Variants in CNBD1 observed in about 807,000 individuals in gnomAD.
The protein encoded by CNBD1 is cyclic nucleotide binding domain containing 1.
Under a neutral mutation model 54.4 loss-of-function variants are expected in CNBD1, and 71 were observed. That is an observed-to-expected ratio of 1.30 (90% CI 1.08 to 1.59). The LOEUF (loss-of-function observed/expected upper bound fraction) is 1.59. Ranked by LOEUF, CNBD1 falls within the 40% of genes most tolerant of loss-of-function variation. CNBD1 has a pLI of 0.00. For synonymous variants in CNBD1, 182 were observed against 170.7 expected (o/e 1.07, Z -0.51); for missense variants, 659 against 518.0 (o/e 1.27, Z -2.64).
intron 4 of CNBD1, among the ~76,000 whole-genome samples, chr8:87,023,799 G>A (rs1301441707): frequency 6.6e-6 from 1 of 152,126 alleles, no homozygotes; most frequent in African/African-American, 2.4e-5. Context: ...CATTTTAAAA[G>A]TTTGTTCTGA....
intron 4 of CNBD1, among the ~76,000 whole-genome samples, chr8:87,050,967 G>T (rs572092547): frequency 6.6e-6 from 1 of 152,236 alleles, no homozygotes; most frequent in Non-Finnish European, 1.5e-5. Context: ...TATAGCGATT[G>T]TTCAGCCAAT....
chr8:87,210,157 C>T (rs1289999805), intron 5 of CNBD1, among the ~76,000 whole-genome samples: 1 of 152,154 alleles, frequency 6.6e-6, no homozygotes, highest in African/African-American at 2.4e-5. Context: ...GAAGAAATTT[C>T]TAAGCAACAA....
intron 4 of CNBD1, among the ~76,000 whole-genome samples, chr8:87,030,633 T>C (rs915459323): frequency 2.0e-5 from 3 of 152,164 alleles, no homozygotes; most frequent in Non-Finnish European, 4.4e-5. Context: ...TTTAATGATC[T>C]TCAGGATTTA....
intron 8 of CNBD1, among the ~76,000 whole-genome samples, chr8:87,301,968 A>C (rs766110882): frequency 5.9e-5 from 9 of 152,152 alleles, no homozygotes; most frequent in Admixed American, 1.3e-4. Context: ...TAGACCAATA[A>C]CAGGCTCTGA....
At chr8:87,388,216 A>G (rs1038626592) in intron 2 of CNBD1, among the ~76,000 whole-genome samples, 1 of 152,170 alleles carries the variant, frequency 6.6e-6, no homozygotes, top group African/African-American at 2.4e-5. Context: ...GAGAAAACAC[A>G]TTCAAAAGGT....
chr8:87,043,943 A>G (rs1810127679), intron 4 of CNBD1, among the ~76,000 whole-genome samples: 1 of 152,092 alleles, frequency 6.6e-6, no homozygotes, highest in Non-Finnish European at 1.5e-5. Flanking sequence ...CCTCTCTGTG[A>G]TATTTTACTT....
chr8:87,377,637 G>A (rs2130955670), intron 10 of CNBD1, among the ~76,000 whole-genome samples: 1 of 150,388 alleles, frequency 6.6e-6, no homozygotes, highest in South Asian at 2.1e-4. Context: ...CTTTATAGCA[G>A]CATGATTTAT....
chr8:87,051,417 C>T (rs1810309678), intron 4 of CNBD1, among the ~76,000 whole-genome samples: 1 of 152,070 alleles, frequency 6.6e-6, no homozygotes, highest in African/African-American at 2.4e-5. Flanking sequence ...AACCCAGCAG[C>T]ACTAGAGGAA....
At chr8:87,099,393 T>C (rs1357621163) in intron 4 of CNBD1, among the ~76,000 whole-genome samples, 1 of 152,098 alleles carries the variant, frequency 6.6e-6, no homozygotes, top group Non-Finnish European at 1.5e-5. Context: ...TAAATAATAT[T>C]ATCTGATTTA....
At chr8:87,092,175 C>T in intron 4 of CNBD1, among the ~76,000 whole-genome samples, 1 of 152,080 alleles carries the variant, frequency 6.6e-6, no homozygotes, top group East Asian at 1.9e-4. Flanking sequence ...AGTCTGCCTT[C>T]TATCTGGGAA....
chr8:87,427,244 G>A (rs1442444732), intron 2 of CNBD1, among the ~76,000 whole-genome samples: 1 of 152,056 alleles, frequency 6.6e-6, no homozygotes, highest in Non-Finnish European at 1.5e-5. Context: ...TTGTATGTTA[G>A]TTGGCTTGAA....
chr8:86,925,723 A>C (rs1203453030), intron 3 of CNBD1, among the ~76,000 whole-genome samples: 4 of 72,542 alleles, frequency 5.5e-5, no homozygotes, highest in Non-Finnish European at 1.1e-4. Context: ...TCTACTGAAA[A>C]AAATACCAAA....
chr8:87,117,136 C>T (rs545854329), intron 4 of CNBD1, among the ~76,000 whole-genome samples: 2 of 151,996 alleles, frequency 1.3e-5, no homozygotes, highest in Non-Finnish European at 2.9e-5. Context: ...TGGTGGCTCA[C>T]GCCTGTAATC....
Position 86,939,774 on chromosome 8 carries a change from T to C in CNBD1, c.431+20T>C. Reference sequence around the variant, plus strand: ...GAAATTGTAAGTATTTAAAATATATTCCTTCTTCTAATTGAGTAATTCTTT... The same window carrying C: ...GAAATTGTAAGTATTTAAAATATATCCCTTCTTCTAATTGAGTAATTCTTT... On this transcript the variant is annotated intron_variant, in intron 4 of 10. Coordinates refer to ENST00000518476, the MANE Select transcript of CNBD1 (RefSeq NM_173538.3). The C allele has an allele frequency of 7.2e-7, 1 of 1,391,898 alleles. No homozygotes were observed. The highest frequency in any genetic ancestry group is 9.8e-7 in the Non-Finnish European group (1 of 1,019,042). 86.2% of individuals were successfully genotyped at this position (1,391,898 alleles called of 1,614,324 possible).
At chr8:87,317,353 T>C (rs1809411078) in intron 8 of CNBD1, among the ~76,000 whole-genome samples, 1 of 151,774 alleles carries the variant, frequency 6.6e-6, no homozygotes, top group Non-Finnish European at 1.5e-5. Context: ...TTTTGATGTA[T>C]ACACACATTT....
intron 5 of CNBD1, among the ~76,000 whole-genome samples, chr8:87,221,754 C>T (rs10955224): frequency 0.4 from 60,148 of 151,938 alleles, 13,374 homozygotes; most frequent in Non-Finnish European, 0.5. Flanking sequence ...TTTCAATAGA[C>T]GCTCTGAGCT....
chr8:87,261,529 CAAAAAAAA>C lies in CNBD1; in HGVS notation c.772-23138_772-23131del, dbSNP rs34576530. On this transcript the variant is annotated intron_variant, in intron 6 of 10. Transcript: ENST00000518476. ...TGGTGGAAGAAGTTTTATTTATAGA[CAAAAAAAA>C]AAAAAAAAAAGAGAAATGACATACA... Among the ~76,000 whole-genome samples, 827 of 120,248 alleles carry C rather than the reference CAAAAAAAA, an allele frequency of 6.9e-3. 11 individuals are homozygous for C. Among genetic ancestry groups the C allele is most frequent in the African/African-American group, 0.024 (789 of 33,158 alleles). 78.9% of individuals were successfully genotyped at this position (120,248 alleles called of 152,430 possible).
intron 5 of CNBD1, among the ~76,000 whole-genome samples, chr8:87,232,383 C>G (rs1190543129): frequency 6.6e-6 from 1 of 152,084 alleles, no homozygotes; most frequent in African/African-American, 2.4e-5. Context: ...AATTTATACT[C>G]CCAGTAACAA....
intron 10 of CNBD1, among the ~76,000 whole-genome samples, chr8:87,374,550 G>A (rs755829893): frequency 6.8e-6 from 1 of 146,234 alleles, no homozygotes; most frequent in African/African-American, 2.7e-5. Flanking sequence ...GAAGAGATTA[G>A]TTAGAGACTG....
Sources: allele counts gnomAD v4.1 joint callset (sites outside exome capture counted in the v4.1 genomes callset), GRCh38; gene constraint gnomAD v4.1.1; transcripts MANE v1.5; gene names NCBI Gene and HGNC (gene_info 2026-07-23, HGNC 2026-07-21).